The following TENM1 variants were observed in gnomAD, a reference collection of about 807,000 sequenced individuals.
The protein encoded by TENM1 is teneurin transmembrane protein 1.
TENM1 carries 35 observed loss-of-function variants against 174.8 expected under a neutral mutation model. The ratio of observed to expected loss-of-function variants is 0.20; its 90% CI spans 0.15 to 0.27. TENM1 has a LOEUF of 0.27. TENM1 is among the 10% of genes least tolerant of loss of function. The pLI, the probability that TENM1 is intolerant of heterozygous loss-of-function variation, is 1.00. For synonymous variants in TENM1, 781 were observed against 798.7 expected (o/e 0.98, Z 0.37); for missense variants, 1,633 against 2,130.1 (o/e 0.77, Z 4.59).
intron 3 of TENM1, among the ~76,000 whole-genome samples, chrX:124,865,025 C>T (rs1411303840): frequency 9.0e-6 from 1 of 111,365 alleles, no homozygotes; most frequent in African/African-American, 3.3e-5. Flanking sequence ...AAATATCCTT[C>T]AAGCACGAAG....
At chrX:124,497,928 G>A (rs1026308000) in intron 19 of TENM1, among the ~76,000 whole-genome samples, 2 of 111,520 alleles carry the variant, frequency 1.8e-5, no homozygotes, top group African/African-American at 3.3e-5. Context: ...CCATACCCAC[G>A]GCTTTAACTC....
At chrX:124,678,783 T>C (rs1372347020) in intron 5 of TENM1, among the ~76,000 whole-genome samples, 1 of 110,873 alleles carries the variant, frequency 9.0e-6, no homozygotes, top group Non-Finnish European at 1.9e-5. Flanking sequence ...ATAAGGAAAA[T>C]TTGGGTGTTG....
intron 3 of TENM1, among the ~76,000 whole-genome samples, chrX:124,822,844 A>G (rs888991234): frequency 2.7e-5 from 3 of 112,215 alleles, no homozygotes; most frequent in Non-Finnish European, 5.6e-5. Flanking sequence ...ACAGAAGCAG[A>G]AAAGAATCTA....
the TENM1 span, among the ~76,000 whole-genome samples, chrX:125,005,407 TTG>T: frequency 0.2 from 17,625 of 89,109 alleles, 1,807 homozygotes; most frequent in African/African-American, 0.34. Flanking sequence ...CCTGACTTGG[TTG>T]TGTGTGTGTG....
At chrX:125,164,919 C>A in the TENM1 span, among the ~76,000 whole-genome samples, 1 of 111,355 alleles carries the variant, frequency 9.0e-6, no homozygotes, top group East Asian at 2.8e-4. Context: ...CCAATACCAG[C>A]CATCACCTCC....
At chrX:124,822,405 T>C (rs2056058981) in intron 3 of TENM1, among the ~76,000 whole-genome samples, 1 of 112,103 alleles carries the variant, frequency 8.9e-6, no homozygotes, top group Non-Finnish European at 1.9e-5. Context: ...TAATGCTTAT[T>C]ATATACCAGA....
chrX:124,384,976 G>A, intron 29 of TENM1, 122 bp from the exon 33 acceptor site: 2 of 567,753 alleles, frequency 3.5e-6, no homozygotes, highest in Non-Finnish European at 2.6e-6. Flanking sequence ...ATTAGAGACT[G>A]ATCTCTGATA....
chrX:124,944,862 A>G (rs1330405401), intron 1 of TENM1, among the ~76,000 whole-genome samples: 1 of 110,967 alleles, frequency 9.0e-6, no homozygotes, highest in African/African-American at 3.3e-5. Flanking sequence ...AAGAGAAATA[A>G]GCAAAATAGT....
intron 3 of TENM1, among the ~76,000 whole-genome samples, chrX:124,863,329 C>G (rs372976506): frequency 1.8e-5 from 2 of 110,808 alleles, no homozygotes; most frequent in African/African-American, 6.6e-5. Context: ...GTCCCCAGTT[C>G]CAGGATTTGA....
intron 22 of TENM1, among the ~76,000 whole-genome samples, chrX:124,461,140 T>C (rs1403890012): frequency 8.9e-6 from 1 of 112,034 alleles, no homozygotes; most frequent in African/African-American, 3.2e-5. Flanking sequence ...GTTCAGTAAC[T>C]TTACTATTAT....
Position 124,385,869 on chromosome X carries a change from G to A in TENM1, c.5884C>T (p.Arg1962Ter), listed in dbSNP as rs754767184. The change falls in exon 29 of 32, where the codon CGA (arginine) becomes TGA (stop). Residue 1962 changes from arginine to a stop codon, truncating the protein, a stop_gained. Coordinates refer to ENST00000422452, the Ensembl canonical transcript of TENM1. LOFTEE classifies it high-confidence loss of function. Reference sequence around the variant, plus strand: ...CCCAGATGCAGGGTCTGTAGCAATCGGCCATCTCGACTATAGTCTTGGATA... The same window carrying A: ...CCCAGATGCAGGGTCTGTAGCAATCAGCCATCTCGACTATAGTCTTGGATA... 8.3e-7 allele frequency: 1 copy of A among 1,210,246 alleles called. No individual in the cohort carries two copies. Among genetic ancestry groups the A allele is most frequent in the Non-Finnish European group, 1.1e-6 (1 of 894,420 alleles).
At chrX:125,023,451 T>C in the TENM1 span, among the ~76,000 whole-genome samples, 1 of 111,055 alleles carries the variant, frequency 9.0e-6, no homozygotes, top group Admixed American at 9.6e-5. Context: ...GAGAATGGAC[T>C]AATACACTAG....
the TENM1 span, among the ~76,000 whole-genome samples, chrX:125,142,533 T>A: frequency 9.1e-6 from 1 of 110,425 alleles, no homozygotes. Context: ...GTTGTAGATA[T>A]TGGGGTTCTA....
the TENM1 span, among the ~76,000 whole-genome samples, chrX:125,031,932 C>T: frequency 1.8e-5 from 2 of 111,274 alleles, no homozygotes; most frequent in Admixed American, 9.6e-5. Flanking sequence ...TCCATTGGTA[C>T]TAGAAGGGCA....
intron 20 of TENM1, among the ~76,000 whole-genome samples, chrX:124,495,785 C>T (rs1275105080): frequency 2.9e-4 from 29 of 101,459 alleles, no homozygotes; most frequent in Non-Finnish European, 4.9e-4. Flanking sequence ...GTGAAAATGG[C>T]CATACTGCCC....
chrX:124,561,178 T>C (rs9698880), intron 14 of TENM1, among the ~76,000 whole-genome samples: 1,133 of 112,253 alleles, frequency 0.01, 17 homozygotes, highest in African/African-American at 0.035. Context: ...GTGCAAACTA[T>C]GCTAACATCA....
chrX:125,156,038 G>A, the TENM1 span, among the ~76,000 whole-genome samples: 1 of 112,555 alleles, frequency 8.9e-6, no homozygotes, highest in African/African-American at 3.2e-5. Flanking sequence ...GGAGCAAGAA[G>A]GAGACCACAA....
At chrX:125,164,364 G>C in the TENM1 span, among the ~76,000 whole-genome samples, 1 of 111,637 alleles carries the variant, frequency 9.0e-6, no homozygotes, top group Non-Finnish European at 1.9e-5. Context: ...ATCAAATAAA[G>C]TCTGAGGCAT....
At chrX:124,603,370 G>C (rs142261322) in intron 11 of TENM1, among the ~76,000 whole-genome samples, 1,203 of 111,844 alleles carry the variant, frequency 0.011, 22 homozygotes, top group African/African-American at 0.038. Flanking sequence ...TACAATAGTA[G>C]CAGCCACTGC....
Sources: allele counts gnomAD v4.1 joint callset (sites outside exome capture counted in the v4.1 genomes callset), GRCh38; gene constraint gnomAD v4.1.1; transcripts MANE v1.5; gene names NCBI Gene and HGNC (gene_info 2026-07-23, HGNC 2026-07-21).